Variants in CHCHD3 observed in about 807,000 individuals in gnomAD.
CHCHD3 encodes the protein coiled-coil-helix-coiled-coil-helix domain containing 3, also known as MICOS complex subunit MIC19.
CHCHD3 carries 20 observed loss-of-function variants against 38.2 expected under a neutral mutation model. The ratio of observed to expected loss-of-function variants is 0.52; its 90% CI spans 0.37 to 0.76. The LOEUF is 0.76. Ranked by LOEUF, CHCHD3 falls within the 30% of genes least tolerant of loss-of-function variation. The pLI is 0.00. For missense variants in CHCHD3, 245 were observed against 279.2 expected, an observed-to-expected ratio of 0.88 and a Z score of 0.87; for synonymous variants, 82 against 100.0, an observed-to-expected ratio of 0.82 and a Z score of 1.07.
At chr7:132,942,293 G>T (rs762000904) in intron 4 of CHCHD3, among the ~76,000 whole-genome samples, 11 of 152,072 alleles carry the variant, frequency 7.2e-5, no homozygotes, top group African/African-American at 2.7e-4. Flanking sequence ...ACAAGAACAC[G>T]GGTTGATGTA....
intron 6 of CHCHD3, 107 bp from the exon 7 acceptor site, chr7:132,796,684 T>C: frequency 2.0e-6 from 2 of 991,340 alleles, no homozygotes; most frequent in Non-Finnish European, 2.9e-6. Context: ...GTTGCAAATG[T>C]AGAAAAAGGT....
intron 3 of CHCHD3, among the ~76,000 whole-genome samples, chr7:133,018,510 C>A (rs1226176871): frequency 6.6e-6 from 1 of 152,028 alleles, no homozygotes; most frequent in Non-Finnish European, 1.5e-5. Context: ...AGTACTGATT[C>A]CCTGAAAAGT....
chr7:133,049,550 A>C (rs1489567384), intron 2 of CHCHD3, among the ~76,000 whole-genome samples: 1 of 152,242 alleles, frequency 6.6e-6, no homozygotes, highest in Non-Finnish European at 1.5e-5. Context: ...GCCAATACTT[A>C]ACCAATAATG....
chr7:132,809,376 T>C (rs1229683723), intron 6 of CHCHD3, among the ~76,000 whole-genome samples: 4 of 152,218 alleles, frequency 2.6e-5, no homozygotes, highest in African/African-American at 9.6e-5. Context: ...ACTTCAAGCA[T>C]ACACTACTAT....
chr7:132,919,636 T>A (rs533328275), intron 4 of CHCHD3, among the ~76,000 whole-genome samples: 1 of 152,362 alleles, frequency 6.6e-6, no homozygotes, highest in South Asian at 2.1e-4. Flanking sequence ...CATACTGCTG[T>A]TGGGCTCAGT....
intron 1 of CHCHD3, among the ~76,000 whole-genome samples, chr7:133,081,002 C>A (rs1204983290): frequency 6.6e-6 from 1 of 152,068 alleles, no homozygotes; most frequent in African/African-American, 2.4e-5. Context: ...CAAATTCAGG[C>A]GCAGCGGAGA....
At chr7:133,016,906 C>T (rs527770283) in intron 3 of CHCHD3, among the ~76,000 whole-genome samples, 2 of 152,320 alleles carry the variant, frequency 1.3e-5, no homozygotes, top group South Asian at 4.1e-4. Flanking sequence ...CACGGACTTC[C>T]GGATTAAGGA....
intron 7 of CHCHD3, among the ~76,000 whole-genome samples, chr7:132,789,836 A>C (rs1225010507): frequency 6.6e-6 from 1 of 152,140 alleles, no homozygotes; most frequent in African/African-American, 2.4e-5. Flanking sequence ...CTAACCAAGG[A>C]AAAATGAAAC....
At chr7:132,863,261 AG>A (rs1808538193) in intron 5 of CHCHD3, among the ~76,000 whole-genome samples, 1 of 152,216 alleles carries the variant, frequency 6.6e-6, no homozygotes, top group South Asian at 2.1e-4. Context: ...GGACATTAGC[AG>A]GCATGAAATT....
At chr7:133,050,089 G>A (rs1487813678) in intron 2 of CHCHD3, among the ~76,000 whole-genome samples, 1 of 152,056 alleles carries the variant, frequency 6.6e-6, no homozygotes, top group Non-Finnish European at 1.5e-5. Context: ...GCTCATGCCT[G>A]TAATCCCAGC....
At chr7:133,018,692 A>G (rs1393915028) in intron 3 of CHCHD3, among the ~76,000 whole-genome samples, 1 of 152,104 alleles carries the variant, frequency 6.6e-6, no homozygotes, top group Non-Finnish European at 1.5e-5. Context: ...AATTTCAAAG[A>G]GATAATTTAA....
In CHCHD3 at chr7:133,035,598, G is replaced by A; in HGVS notation, c.170-10971C>T. ...GGGGAACACCCAGGTACTGGCTGGG[G>A]GCACTATATCGGAATCAGCAAAGCT... is the stretch of plus-strand genomic sequence containing the variant. On this transcript the variant is annotated intron_variant, in intron 2 of 7. Transcript: ENST00000262570. This position sits in a 1 kb window ranked among gnomAD's most constrained non-coding sequence, Gnocchi z 4.7. The A allele has an allele frequency of 6.2e-7, 1 of 1,612,968 alleles. No individual in the cohort carries two copies. The highest frequency in any genetic ancestry group is 8.5e-7 in the Non-Finnish European group (1 of 1,179,246).
At chr7:132,820,094 T>C (rs1056508213) in intron 6 of CHCHD3, among the ~76,000 whole-genome samples, 2 of 152,218 alleles carry the variant, frequency 1.3e-5, no homozygotes, top group Non-Finnish European at 2.9e-5. Flanking sequence ...TTGGATCAGA[T>C]TGATGGATGA....
intron 6 of CHCHD3, among the ~76,000 whole-genome samples, chr7:132,833,070 T>C (rs1235896206): frequency 1.3e-5 from 2 of 152,224 alleles, no homozygotes; most frequent in Non-Finnish European, 2.9e-5. Flanking sequence ...AGGTCTGTGT[T>C]AAGAACTACA....
intron 2 of CHCHD3, among the ~76,000 whole-genome samples, chr7:133,026,707 A>G (rs1428247052): frequency 2.0e-5 from 3 of 152,196 alleles, no homozygotes; most frequent in Non-Finnish European, 4.4e-5. Flanking sequence ...AAATTAATGA[A>G]CTACTGATAC....
intron 6 of CHCHD3, among the ~76,000 whole-genome samples, chr7:132,809,558 T>C (rs1017189995): frequency 1.3e-5 from 2 of 152,180 alleles, no homozygotes; most frequent in Non-Finnish European, 2.9e-5. Context: ...CCAAAATATT[T>C]ATCATATCCC....
At chr7:133,049,931 G>A (rs6962414) in intron 2 of CHCHD3, among the ~76,000 whole-genome samples, 4,138 of 152,234 alleles carry the variant, frequency 0.027, 200 homozygotes, top group African/African-American at 0.094. Flanking sequence ...TTGCTTCTAA[G>A]GTACACATTT....
At chr7:132,835,155 T>C (rs2117090406) in intron 6 of CHCHD3, among the ~76,000 whole-genome samples, 1 of 151,228 alleles carries the variant, frequency 6.6e-6, no homozygotes, top group Admixed American at 6.6e-5. Flanking sequence ...TTGTATTTTT[T>C]TTTTTTTGTA....
At chr7:132,966,358 C>T (rs1811464189) in intron 4 of CHCHD3, among the ~76,000 whole-genome samples, 1 of 152,158 alleles carries the variant, frequency 6.6e-6, no homozygotes, top group South Asian at 2.1e-4. Context: ...ATAGCTGCCA[C>T]CTGCCCCCAT....
Sources: gnomAD v4.1 joint callset for allele counts (sites outside exome capture counted in the v4.1 genomes callset) on GRCh38, gnomAD v4.1.1 for gene constraint, Gnocchi (gnomAD v3.1) non-coding constraint, MANE v1.5 for transcripts, NCBI Gene and HGNC (gene_info 2026-07-23, HGNC 2026-07-21) for gene names.